Variants in PTPRD observed in about 807,000 individuals in gnomAD.
PTPRD encodes protein tyrosine phosphatase receptor type D.
A neutral mutation model predicts 214.5 loss-of-function variants in PTPRD; 34 were observed. The ratio of observed to expected loss-of-function variants is 0.16; its 90% CI spans 0.12 to 0.21. The LOEUF (loss-of-function observed/expected upper bound fraction) is 0.21, where lower values mean the gene tolerates loss of function less well. Among genes scored for constraint, PTPRD ranks in the 10% least tolerant of loss-of-function variants. The probability of loss-of-function intolerance (pLI) is 1.00; values close to 1 mark genes in which losing one functional copy is unlikely to be tolerated. For synonymous variants in PTPRD, 1,128 were observed against 845.7 expected, an observed-to-expected ratio of 1.33 and a Z score of -5.79; for missense variants, 2,545 against 2,398.7, an observed-to-expected ratio of 1.06 and a Z score of -1.27.
At chr9:9,607,956 G>A (rs1052342356) in intron 7 of PTPRD, among the ~76,000 whole-genome samples, 6 of 152,100 alleles carry the variant, frequency 3.9e-5, no homozygotes, top group Admixed American at 3.9e-4. Context: ...AGGGCAGCTT[G>A]GCAGTGAGGA....
intron 9 of PTPRD, among the ~76,000 whole-genome samples, chr9:9,344,235 C>G (rs1176664883): frequency 2.0e-5 from 3 of 151,956 alleles, no homozygotes; most frequent in Non-Finnish European, 4.4e-5. Context: ...GAACAGAAAC[C>G]CAAACACCAC....
chr9:10,135,435 G>A (rs947916842), intron 3 of PTPRD, among the ~76,000 whole-genome samples: 14 of 151,956 alleles, frequency 9.2e-5, no homozygotes, highest in African/African-American at 2.7e-4. Flanking sequence ...CATCGGATTC[G>A]CCAAGGTCAA....
intron 9 of PTPRD, among the ~76,000 whole-genome samples, chr9:9,190,645 C>T (rs1199028492): frequency 1.3e-5 from 2 of 152,148 alleles, no homozygotes; most frequent in East Asian, 3.9e-4. Context: ...GACACTAATA[C>T]CTTGACATTA....
intron 35 of PTPRD, among the ~76,000 whole-genome samples, chr9:8,425,496 C>A (rs1278078255): frequency 1.3e-5 from 2 of 152,100 alleles, no homozygotes; most frequent in Non-Finnish European, 2.9e-5. Context: ...CCTGAGCAAG[C>A]CACGCTTCTT....
chr9:10,366,325 G>A (rs749220652), intron 2 of PTPRD, among the ~76,000 whole-genome samples: 4 of 152,108 alleles, frequency 2.6e-5, no homozygotes, highest in Admixed American at 6.5e-5. Context: ...TACAGAATAC[G>A]GAAGGCTCAT....
intron 2 of PTPRD, among the ~76,000 whole-genome samples, chr9:10,512,849 T>A (rs2048750883): frequency 6.6e-6 from 1 of 152,030 alleles, no homozygotes; most frequent in African/African-American, 2.4e-5. Flanking sequence ...AAATATTTGA[T>A]CTTTTTATTG....
chr9:8,640,668 C>G lies in PTPRD; in HGVS notation c.65-3824G>C, dbSNP rs796588961. Among the ~76,000 whole-genome samples, 9 of 136,628 alleles carry G rather than the reference C, an allele frequency of 6.6e-5. No individual in the cohort carries two copies. In the East Asian group the frequency reaches 1.5e-3, roughly 23 times the overall value. 89.6% of individuals were successfully genotyped at this position (136,628 alleles called of 152,430 possible). A position where few individuals can be genotyped will look rare whatever the true frequency, so the allele number is the denominator to read the frequency against. Reference sequence around the variant, plus strand: ...AGTTAAATAATTTCAGGGGCTTTTACAGAGAAATTCTGTAAAAAAAAAAAA... The same window carrying G: ...AGTTAAATAATTTCAGGGGCTTTTAGAGAGAAATTCTGTAAAAAAAAAAAA... On this transcript the variant is annotated intron_variant, in intron 12 of 45. Coordinates refer to ENST00000381196, the MANE Select transcript of PTPRD (RefSeq NM_002839.4).
At chr9:8,922,092 T>C (rs528848164) in intron 11 of PTPRD, among the ~76,000 whole-genome samples, 47 of 152,220 alleles carry the variant, frequency 3.1e-4, no homozygotes, top group Non-Finnish European at 5.0e-4. Context: ...AGAATTCGTG[T>C]GTAGTTTATT....
chr9:10,563,919 TTA>T (rs1382559525), intron 2 of PTPRD, among the ~76,000 whole-genome samples: 5 of 151,850 alleles, frequency 3.3e-5, no homozygotes, highest in African/African-American at 1.2e-4. Context: ...ATCTATAAAA[TTA>T]TGTTTGATAG....
At chr9:9,498,144 G>T (rs1478804564) in intron 8 of PTPRD, among the ~76,000 whole-genome samples, 1 of 152,064 alleles carries the variant, frequency 6.6e-6, no homozygotes, top group Non-Finnish European at 1.5e-5. Flanking sequence ...TTACAGTAGT[G>T]CCTGCCTCTG....
At chr9:10,162,667 A>G (rs777386592) in intron 3 of PTPRD, among the ~76,000 whole-genome samples, 46 of 147,386 alleles carry the variant, frequency 3.1e-4, no homozygotes, top group Non-Finnish European at 5.7e-4. Flanking sequence ...ATACATGTAT[A>G]TGTATATACA....
At chr9:8,838,981 A>G (rs1044085323) in intron 11 of PTPRD, among the ~76,000 whole-genome samples, 2 of 152,184 alleles carry the variant, frequency 1.3e-5, no homozygotes, top group African/African-American at 4.8e-5. Context: ...TTAAAAAATC[A>G]TTAAAGTAAG....
intron 4 of PTPRD, among the ~76,000 whole-genome samples, chr9:9,950,312 G>A (rs1292213928): frequency 1.3e-5 from 2 of 152,150 alleles, no homozygotes; most frequent in Admixed American, 6.5e-5. Flanking sequence ...AGAAGTGTGG[G>A]GAGTTCATTT....
intron 9 of PTPRD, among the ~76,000 whole-genome samples, chr9:9,233,735 A>G (rs939254389): frequency 6.6e-6 from 1 of 152,220 alleles, no homozygotes; most frequent in African/African-American, 2.4e-5. Flanking sequence ...TCTGAAATCC[A>G]ATAGGGAAGT....
At position 9,019,313 on chromosome 9, in the gene PTPRD, A is replaced by AAAGG. The variant is rs199694837; in HGVS notation, c.-142-579_-142-578insCCTT. On this transcript the variant is annotated intron_variant, in intron 10 of 45. Transcript: ENST00000381196. Reference sequence around the variant, plus strand: ...GAAAGAAAGAAAGAAAGAAAGAAAGAAAGAAAGAAAGAAAGAAAGAAAGAA... The same window carrying AAAGG: ...GAAAGAAAGAAAGAAAGAAAGAAAGAAAGGAAGAAAGAAAGAAAGAAAGAAAGAA... Among the ~76,000 whole-genome samples the AAAGG allele has an allele frequency of 2.0e-3, 218 of 106,436 alleles. 2 individuals carry two copies. Among genetic ancestry groups the AAAGG allele is most frequent in the South Asian group, 4.9e-3 (11 of 2,254 alleles). 69.8% of individuals were successfully genotyped at this position (106,436 alleles called of 152,430 possible). A position where few individuals can be genotyped will look rare whatever the true frequency, so the allele number is the denominator to read the frequency against.
intron 3 of PTPRD, among the ~76,000 whole-genome samples, chr9:10,232,914 G>C (rs1594910121): frequency 6.6e-6 from 1 of 151,822 alleles, no homozygotes; most frequent in African/African-American, 2.4e-5. Flanking sequence ...TGGAAACAAA[G>C]ATTTTAAACA....
At chr9:9,663,787 C>T (rs2096663262) in intron 7 of PTPRD, among the ~76,000 whole-genome samples, 1 of 151,472 alleles carries the variant, frequency 6.6e-6, no homozygotes, top group Non-Finnish European at 1.5e-5. Flanking sequence ...TAATATATGG[C>T]ATGTTATTCT....
At chr9:9,496,060 C>T (rs1197836159) in intron 8 of PTPRD, among the ~76,000 whole-genome samples, 1 of 152,134 alleles carries the variant, frequency 6.6e-6, no homozygotes, top group African/African-American at 2.4e-5. Context: ...AGGTTGAGCA[C>T]AGCAGGCCAA....
chr9:10,229,901 A>C (rs79461191), intron 3 of PTPRD, among the ~76,000 whole-genome samples: 2,033 of 152,004 alleles, frequency 0.013, 46 homozygotes, highest in African/African-American at 0.046. Context: ...TAAGACAAAG[A>C]TCCTTTTTAA....
Sources: allele counts gnomAD v4.1 joint callset (sites outside exome capture counted in the v4.1 genomes callset), GRCh38; gene constraint gnomAD v4.1.1; transcripts MANE v1.5; gene names NCBI Gene and HGNC (gene_info 2026-07-23, HGNC 2026-07-21).